DGCR2: variants seen among roughly 807,000 people sequenced by gnomAD.
DGCR2 encodes integral membrane protein DGCR2/IDD.
Under a neutral mutation model 51.6 loss-of-function variants are expected in DGCR2, and 24 were observed. That is an observed-to-expected ratio of 0.47 (90% CI 0.34 to 0.65). DGCR2 has a LOEUF of 0.65. DGCR2 is among the 30% of genes least tolerant of loss of function. The probability of loss-of-function intolerance (pLI) is 0.01; values close to 1 mark genes in which losing one functional copy is unlikely to be tolerated. For missense variants in DGCR2, 765 were observed against 772.1 expected, an observed-to-expected ratio of 0.99 and a Z score of 0.11; for synonymous variants, 340 against 315.4, an observed-to-expected ratio of 1.08 and a Z score of -0.82.
intron 3 of DGCR2, among the ~76,000 whole-genome samples, 183 bp downstream of exon 3, chr22:19,067,917 A>AT (rs1187975960): frequency 6.6e-6 from 1 of 152,134 alleles, no homozygotes; most frequent in African/African-American, 2.4e-5. Context: ...CTTGAGTCAC[A>AT]TACCACCACT....
rs571562799 is a variant in DGCR2 at position 19,038,423 on chromosome 22, C to T, written c.*442G>A. On this transcript the variant is annotated 3_prime_UTR_variant, in exon 10 of 10. Coordinates refer to ENST00000263196, the MANE Select transcript of DGCR2 (RefSeq NM_005137.3). ...CGGTCCAGAGGCCCCCTCCTGAGGG[C>T]GGCCAGCAAGGGGCACTGTGGCAGC... is the stretch of plus-strand genomic sequence containing the variant. 141 of 168,458 alleles carry T rather than the reference C, an allele frequency of 8.4e-4. No homozygotes were observed. Among genetic ancestry groups the T allele is most frequent in the South Asian group, 3.3e-3 (22 of 6,662 alleles). The allele number at this position is 168,458 out of a possible 1,614,324, so 10.4% of individuals were successfully genotyped here.
intron 1 of DGCR2, among the ~76,000 whole-genome samples, chr22:19,092,231 C>T (rs568666190): frequency 6.6e-6 from 1 of 152,104 alleles, no homozygotes; most frequent in South Asian, 2.1e-4. Context: ...GTGGTCCCAG[C>T]TACTCAGGAG....
intron 7 of DGCR2, among the ~76,000 whole-genome samples, chr22:19,043,645 G>A (rs549055598): frequency 1.3e-5 from 2 of 152,206 alleles, no homozygotes; most frequent in African/African-American, 4.8e-5. Context: ...CACCAGCAGG[G>A]ACCCTGCTAA....
chr22:19,076,985 A>G (rs1434157205), intron 2 of DGCR2, among the ~76,000 whole-genome samples: 3 of 151,706 alleles, frequency 2.0e-5, no homozygotes, highest in Non-Finnish European at 4.4e-5. Flanking sequence ...CGGCCTCCCA[A>G]AGTGCTGTGA....
chr22:19,084,332 G>A (rs1442384383), intron 2 of DGCR2, among the ~76,000 whole-genome samples: 8 of 148,990 alleles, frequency 5.4e-5, no homozygotes, highest in Admixed American at 1.3e-4. Context: ...CTGCCCCGCC[G>A]CCCCGTCTGG....
chr22:19,044,758 CTG>C (rs1446325118), intron 7 of DGCR2, among the ~76,000 whole-genome samples: 1 of 152,252 alleles, frequency 6.6e-6, no homozygotes. Context: ...AGCTGCCTGA[CTG>C]TCATCCTATA....
intron 2 of DGCR2, among the ~76,000 whole-genome samples, chr22:19,082,867 C>T (rs1463119045): frequency 1.3e-5 from 2 of 152,112 alleles, no homozygotes; most frequent in Non-Finnish European, 2.9e-5. Flanking sequence ...AGCAGGCAGA[C>T]TGCTTAAACT....
At chr22:19,042,058 C>G in intron 7 of DGCR2, 99 bp from the exon 8 acceptor site, 1 of 1,393,500 alleles carries the variant, frequency 7.2e-7, no homozygotes, top group Non-Finnish European at 9.7e-7. Context: ...GCTGTGTGGA[C>G]AAGGCACACA....
chr22:19,079,982 C>T lies in DGCR2; in HGVS notation c.202+9386G>A, dbSNP rs181443875. On this transcript the variant is annotated intron_variant, in intron 2 of 9. Transcript: ENST00000263196. ...GCTCTAGTGAGCCTAGTGGGCTAGA[C>T]GCTTGTCAGGGACCACGGTGGGAGA... Among the ~76,000 whole-genome samples the T allele has an allele frequency of 3.6e-3, 550 of 152,336 alleles. 18 individuals carry two copies. The highest frequency in any genetic ancestry group is 0.031 in the Admixed American group (472 of 15,304).
chr22:19,087,678 C>CTT (rs35513614), intron 2 of DGCR2, among the ~76,000 whole-genome samples: 18,382 of 120,004 alleles, frequency 0.15, 1,670 homozygotes, highest in South Asian at 0.27. Context: ...CTGCACCTGG[C>CTT]TTTTTTTTTT....
chr22:19,107,486 T>C (rs973613700), intron 1 of DGCR2, among the ~76,000 whole-genome samples: 2 of 152,198 alleles, frequency 1.3e-5, no homozygotes, highest in Non-Finnish European at 2.9e-5. Flanking sequence ...CTACCATCTA[T>C]CTGTAGATGC....
chr22:19,038,972 CGCT>C lies in DGCR2; in HGVS notation c.1543_1545del (p.Ser515del), dbSNP rs1164163958. 4 of 1,611,614 alleles carry C rather than the reference CGCT, an allele frequency of 2.5e-6. No individual in the cohort carries two copies. The highest frequency in any genetic ancestry group is 3.4e-6 in the Non-Finnish European group (4 of 1,179,272). ...GCAGGGTCAGGGGGCACGAGCAGGG[CGCT>C]GCTGCTGTCGGCAGAGTCTTCCAGG... On this transcript the variant is annotated inframe_deletion, in exon 10 of 10. Coordinates refer to ENST00000263196, the MANE Select transcript of DGCR2 (RefSeq NM_005137.3).
intron 6 of DGCR2, among the ~76,000 whole-genome samples, chr22:19,050,444 C>G (rs2082537146): frequency 6.6e-6 from 1 of 152,186 alleles, no homozygotes; most frequent in Non-Finnish European, 1.5e-5. Flanking sequence ...GCAGATCCAC[C>G]TTATAAGAAA....
At chr22:19,050,411 A>G (rs1213118890) in intron 6 of DGCR2, among the ~76,000 whole-genome samples, 1 of 152,210 alleles carries the variant, frequency 6.6e-6, no homozygotes, top group Non-Finnish European at 1.5e-5. Flanking sequence ...TCCCAGACAA[A>G]CAACAAGTGA....
At chr22:19,062,755 G>A (rs974422302) in intron 5 of DGCR2, among the ~76,000 whole-genome samples, 2 of 136,334 alleles carry the variant, frequency 1.5e-5, no homozygotes, top group African/African-American at 2.5e-5. Context: ...TAAAATCTTT[G>A]CGCACACACA....
Position 19,062,779 on chromosome 22 carries a change from A to ACTCTCTCTCTCTCTCTCTCTCTCT in DGCR2, c.625+399_625+422dup, listed in dbSNP as rs11471797. On this transcript the variant is annotated intron_variant, in intron 5 of 9. Transcript: ENST00000263196. ...TGCGCACACACACACATGCATGCTC[A>ACTCTCTCTCTCTCTCTCTCTCTCT]CTCTCTCTCTCTCTCTCTCTCTCTC... 1.1e-3 allele frequency among the ~76,000 whole-genome samples: 134 copies of ACTCTCTCTCTCTCTCTCTCTCTCT among 127,436 alleles called. 4 individuals carry two copies. Among genetic ancestry groups the ACTCTCTCTCTCTCTCTCTCTCTCT allele is most frequent in the South Asian group, 4.3e-3 (15 of 3,478 alleles). The allele number at this position is 127,436 out of a possible 152,430, so 83.6% of individuals were successfully genotyped here.
intron 3 of DGCR2, among the ~76,000 whole-genome samples, chr22:19,066,146 T>C (rs929082285): frequency 6.6e-6 from 1 of 152,164 alleles, no homozygotes; most frequent in Non-Finnish European, 1.5e-5. Context: ...ACGCCTGTAA[T>C]TCCAGCACTT....
chr22:19,067,020 T>C (rs141234279), intron 3 of DGCR2, among the ~76,000 whole-genome samples: 19 of 152,318 alleles, frequency 1.2e-4, no homozygotes, highest in African/African-American at 4.1e-4. Flanking sequence ...CCAGGACATG[T>C]CCAGCCCTGC....
At chr22:19,044,658 TCA>T (rs1410259405) in intron 7 of DGCR2, among the ~76,000 whole-genome samples, 1 of 152,214 alleles carries the variant, frequency 6.6e-6, no homozygotes, top group Admixed American at 6.5e-5. Flanking sequence ...CTTGATGCTA[TCA>T]GTTTCATTAC....
Sources: allele counts gnomAD v4.1 joint callset (sites outside exome capture counted in the v4.1 genomes callset), GRCh38; gene constraint gnomAD v4.1.1; transcripts MANE v1.5; gene names NCBI Gene and HGNC (gene_info 2026-07-23, HGNC 2026-07-21).